DPYD: variants seen among roughly 807,000 people sequenced by gnomAD.
DPYD encodes the protein dihydropyrimidine dehydrogenase [NADP(+)].
Under a neutral mutation model 116.2 loss-of-function variants are expected in DPYD, and 109 were observed. The observed-to-expected ratio is 0.94, with a 90% CI of 0.80 to 1.10. The LOEUF (loss-of-function observed/expected upper bound fraction) is 1.10, where lower values mean the gene tolerates loss of function less well. Ranked by LOEUF, DPYD falls within the 50% of genes least tolerant of loss-of-function variation. The pLI is 0.00. For missense variants in DPYD, 1,302 were observed against 1,254.5 expected (o/e 1.04, Z -0.57); for synonymous variants, 440 against 432.0 (o/e 1.02, Z -0.23).
At chr1:97,529,712 CT>C (rs1649432560) in intron 12 of DPYD, among the ~76,000 whole-genome samples, 1 of 143,892 alleles carries the variant, frequency 6.9e-6, no homozygotes, top group Non-Finnish European at 1.5e-5. Flanking sequence ...TTTTTTCTTT[CT>C]TCCTTTCTTT....
At chr1:97,326,967 A>T (rs965812887) in intron 16 of DPYD, among the ~76,000 whole-genome samples, 9 of 152,084 alleles carry the variant, frequency 5.9e-5, no homozygotes, top group African/African-American at 2.2e-4. Flanking sequence ...GTATGTAAAG[A>T]TAAAGAGATT....
At chr1:97,454,463 T>G (rs1557723472) in intron 13 of DPYD, among the ~76,000 whole-genome samples, 1 of 151,908 alleles carries the variant, frequency 6.6e-6, no homozygotes, top group African/African-American at 2.4e-5. Context: ...TCAAGAATAG[T>G]TAGAGTAGAG....
Position 97,360,802 on chromosome 1 carries a change from G to A in DPYD, c.2058+12759C>T, listed in dbSNP as rs577426778. Among the ~76,000 whole-genome samples the A allele has an allele frequency of 4.6e-5, 7 of 152,272 alleles. No individual in the cohort carries two copies. In the East Asian group the frequency reaches 1.4e-3, roughly 29 times the overall value. ...CCAGAATCTCTGGGACACATTTAAA[G>A]CAGTGTGTAGAGAGAAATTTATAGC... On this transcript the variant is annotated intron_variant, in intron 16 of 22. Transcript: ENST00000370192.
chr1:97,357,784 T>C (rs1213100124), intron 16 of DPYD, among the ~76,000 whole-genome samples: 1 of 152,200 alleles, frequency 6.6e-6, no homozygotes, highest in African/African-American at 2.4e-5. Flanking sequence ...TGAGAATATG[T>C]TTCCGTTTCT....
At chr1:97,434,358 T>C (rs1477063440) in intron 14 of DPYD, among the ~76,000 whole-genome samples, 1 of 152,040 alleles carries the variant, frequency 6.6e-6, no homozygotes, top group Non-Finnish European at 1.5e-5. Context: ...TAATGATAAG[T>C]TATTTCTTTG....
chr1:97,517,935 A>G (rs1246586868), intron 12 of DPYD, among the ~76,000 whole-genome samples: 1 of 152,078 alleles, frequency 6.6e-6, no homozygotes, highest in Non-Finnish European at 1.5e-5. Flanking sequence ...TTACAGATGA[A>G]TTTTGGTTTG....
At chr1:97,483,608 T>C (rs1426077691) in intron 13 of DPYD, among the ~76,000 whole-genome samples, 1 of 152,048 alleles carries the variant, frequency 6.6e-6, no homozygotes, top group Non-Finnish European at 1.5e-5. Context: ...CGTTTACCTA[T>C]GTAACAAACC....
At chr1:97,850,626 A>T (rs1216746001) in intron 2 of DPYD, among the ~76,000 whole-genome samples, 2 of 152,128 alleles carry the variant, frequency 1.3e-5, no homozygotes, top group African/African-American at 4.8e-5. Context: ...AAATGAGAAG[A>T]AGAAGAATAT....
intron 20 of DPYD, among the ~76,000 whole-genome samples, chr1:97,116,135 G>A (rs1651943839): frequency 1.3e-5 from 2 of 152,120 alleles, no homozygotes; most frequent in African/African-American, 2.4e-5. Flanking sequence ...ATATACATAT[G>A]AGAATATTTA....
At chr1:97,243,448 G>A (rs1250113035) in intron 18 of DPYD, among the ~76,000 whole-genome samples, 1 of 151,802 alleles carries the variant, frequency 6.6e-6, no homozygotes, top group African/African-American at 2.4e-5. Flanking sequence ...AGATTCAGCA[G>A]GGATAAATGC....
chr1:97,083,220 T>C (rs1202072078), intron 21 of DPYD, among the ~76,000 whole-genome samples: 1 of 152,146 alleles, frequency 6.6e-6, no homozygotes, highest in Non-Finnish European at 1.5e-5. Flanking sequence ...TTTTGCTTCA[T>C]AAAACAAAAC....
At chr1:97,720,881 A>G (rs371124643) in intron 5 of DPYD, 15 of 1,609,500 alleles carry the variant, frequency 9.3e-6, no homozygotes, top group African/African-American at 1.3e-5. Flanking sequence ...CTGAAGAATC[A>G]AAGTCTTTAC....
chr1:97,892,508 G>A (rs1342086638), intron 1 of DPYD, among the ~76,000 whole-genome samples: 1 of 151,714 alleles, frequency 6.6e-6, no homozygotes, highest in African/African-American at 2.4e-5. Flanking sequence ...CAGAAGAGGA[G>A]AGAATGCAGC....
At chr1:97,787,879 C>G (rs2101248450) in intron 3 of DPYD, among the ~76,000 whole-genome samples, 1 of 152,290 alleles carries the variant, frequency 6.6e-6, no homozygotes, top group Non-Finnish European at 1.5e-5. Context: ...CTTTATTGGT[C>G]ACCTGCTGCA....
intron 3 of DPYD, among the ~76,000 whole-genome samples, chr1:97,751,456 G>GTATATATATATATATA (rs1326157374): frequency 8.2e-5 from 2 of 24,412 alleles, no homozygotes; most frequent in Non-Finnish European, 1.7e-4. Context: ...GTGTGTGTGT[G>GTATATATATATATATA]TGTGTATATA....
At chr1:97,083,035 G>A (rs893584183) in intron 21 of DPYD, among the ~76,000 whole-genome samples, 5 of 151,994 alleles carry the variant, frequency 3.3e-5, no homozygotes, top group African/African-American at 4.8e-5. Context: ...TATGTTAATC[G>A]CTTAGGTTGA....
chr1:97,906,968 T>C (rs1673659266), intron 1 of DPYD, among the ~76,000 whole-genome samples: 1 of 152,066 alleles, frequency 6.6e-6, no homozygotes, highest in South Asian at 2.1e-4. Flanking sequence ...AAGTAAAATA[T>C]GCGTTTCTTG....
chr1:97,666,803 G>T (rs372148429), intron 8 of DPYD, among the ~76,000 whole-genome samples: 2 of 152,182 alleles, frequency 1.3e-5, no homozygotes, highest in South Asian at 4.1e-4. Flanking sequence ...TGCTACCTAT[G>T]TTGTTGTTCT....
chr1:97,135,712 C>G (rs892051088), intron 20 of DPYD, among the ~76,000 whole-genome samples: 7 of 152,038 alleles, frequency 4.6e-5, no homozygotes, highest in African/African-American at 7.2e-5. Context: ...TATGGTAGAA[C>G]AGGATTTCTT....
Sources: gnomAD v4.1 joint callset for allele counts (sites outside exome capture counted in the v4.1 genomes callset) on GRCh38, gnomAD v4.1.1 for gene constraint, MANE v1.5 for transcripts, NCBI Gene and HGNC (gene_info 2026-07-23, HGNC 2026-07-21) for gene names.